Variants in UNC13C observed in about 807,000 individuals in gnomAD.
UNC13C encodes unc-13 homolog C, also known as protein unc-13 homolog C.
A neutral mutation model predicts 245.4 loss-of-function variants in UNC13C; 174 were observed. The ratio of observed to expected loss-of-function variants is 0.71; its 90% CI spans 0.63 to 0.80. UNC13C has a LOEUF of 0.80. Ranked by LOEUF, UNC13C falls within the 30% of genes least tolerant of loss-of-function variation. The pLI, the probability that UNC13C is intolerant of heterozygous loss-of-function variation, is 0.00. For synonymous variants in UNC13C, 992 were observed against 895.1 expected, an observed-to-expected ratio of 1.11 and a Z score of -1.93; for missense variants, 2,829 against 2,602.9, an observed-to-expected ratio of 1.09 and a Z score of -1.89.
At chr15:54,468,223 A>G (rs1333007546) in intron 19 of UNC13C, among the ~76,000 whole-genome samples, 4 of 151,666 alleles carry the variant, frequency 2.6e-5, no homozygotes, top group South Asian at 4.1e-4. Flanking sequence ...AGCATTTTTC[A>G]TGTATCTGTT....
At chr15:53,963,329 G>A in the UNC13C span, among the ~76,000 whole-genome samples, 8 of 152,124 alleles carry the variant, frequency 5.3e-5, no homozygotes. Context: ...ACATTTTCAG[G>A]TTTAGGGAAG....
intron 4 of UNC13C, among the ~76,000 whole-genome samples, chr15:54,223,819 A>G (rs114654529): frequency 0.046 from 7,029 of 151,802 alleles, 311 homozygotes; most frequent in East Asian, 0.23. Context: ...TCTTGCATCA[A>G]TGTTTTGTAG....
At chr15:53,916,864 A>G in the UNC13C span, among the ~76,000 whole-genome samples, 126 of 152,314 alleles carry the variant, frequency 8.3e-4, 1 homozygote, top group East Asian at 0.021. Flanking sequence ...GATGCACTGA[A>G]GCTGGGATGC....
intron 2 of UNC13C, among the ~76,000 whole-genome samples, chr15:54,133,600 T>C (rs9302173): frequency 0.024 from 3,715 of 152,244 alleles, 155 homozygotes; most frequent in African/African-American, 0.08. Flanking sequence ...TGTTGTGAGA[T>C]GATATGTGCC....
At chr15:53,983,194 T>G (rs1248501226) in intron 1 of UNC13C, among the ~76,000 whole-genome samples, 1 of 152,166 alleles carries the variant, frequency 6.6e-6, no homozygotes, top group African/African-American at 2.4e-5. Flanking sequence ...GATACTTAGC[T>G]GCTAACTTTT....
At chr15:54,149,274 T>C (rs1324373773) in intron 4 of UNC13C, among the ~76,000 whole-genome samples, 1 of 152,224 alleles carries the variant, frequency 6.6e-6, no homozygotes, top group Non-Finnish European at 1.5e-5. Flanking sequence ...TATAGCAGTG[T>C]GAAAATGGAC....
chr15:54,130,448 A>C (rs1470439043), intron 2 of UNC13C, among the ~76,000 whole-genome samples: 1 of 151,468 alleles, frequency 6.6e-6, no homozygotes, highest in Non-Finnish European at 1.5e-5. Flanking sequence ...GCCTGCCAAC[A>C]CGCCTGGCTA....
intron 4 of UNC13C, among the ~76,000 whole-genome samples, chr15:54,218,462 C>T (rs1020027242): frequency 1.3e-5 from 2 of 151,766 alleles, no homozygotes; most frequent in African/African-American, 2.4e-5. Context: ...GAGGCCAGTA[C>T]CAGTAGAGGG....
intron 2 of UNC13C, among the ~76,000 whole-genome samples, chr15:54,023,326 T>C (rs1368230487): frequency 6.6e-6 from 1 of 152,210 alleles, no homozygotes; most frequent in Non-Finnish European, 1.5e-5. Context: ...AGGCCAGTCT[T>C]GTCATGAAAG....
the UNC13C span, among the ~76,000 whole-genome samples, chr15:53,941,120 G>C: frequency 5.8e-4 from 89 of 152,148 alleles, no homozygotes; most frequent in African/African-American, 2.1e-3. Flanking sequence ...TAGACCAATG[G>C]GACTGAATGG....
Position 54,435,927 on chromosome 15 carries a change from A to G in UNC13C, c.4933+20860A>G, listed in dbSNP as rs1379951328. ...AAAAATCAAAAAGTGGGCAAACGAT[A>G]TGAACAGACACTTCTCAAAAAAAGA... On this transcript the variant is annotated intron_variant, in intron 19 of 32. Coordinates refer to ENST00000260323, the MANE Select transcript of UNC13C (RefSeq NM_001080534.3). Among the ~76,000 whole-genome samples the G allele has an allele frequency of 2.6e-5, 4 of 152,076 alleles. No homozygotes were observed. The East Asian group carries it at 7.8e-4, about 30-fold the overall frequency.
chr15:54,068,356 C>G (rs1195480844), intron 2 of UNC13C, among the ~76,000 whole-genome samples: 1 of 152,132 alleles, frequency 6.6e-6, no homozygotes, highest in Non-Finnish European at 1.5e-5. Context: ...CTAGAACTTC[C>G]TTCTCCTGAC....
intron 10 of UNC13C, among the ~76,000 whole-genome samples, chr15:54,273,074 G>A (rs1346413370): frequency 6.6e-6 from 1 of 152,106 alleles, no homozygotes; most frequent in Non-Finnish European, 1.5e-5. Flanking sequence ...CAATCTTTGT[G>A]GGTAAAAAGG....
intron 30 of UNC13C, among the ~76,000 whole-genome samples, chr15:54,568,823 T>C (rs191987263): frequency 2.4e-4 from 36 of 152,284 alleles, no homozygotes; most frequent in African/African-American, 8.2e-4. Flanking sequence ...TTGTTTCCTC[T>C]TGGATACATT....
intron 30 of UNC13C, among the ~76,000 whole-genome samples, chr15:54,586,313 C>G (rs1247657817): frequency 6.6e-6 from 1 of 152,136 alleles, no homozygotes; most frequent in Non-Finnish European, 1.5e-5. Context: ...GTAACTTAAA[C>G]AAGAGATATT....
chr15:54,426,167 T>A lies in UNC13C; in HGVS notation c.4933+11100T>A, dbSNP rs529179699. On this transcript the variant is annotated intron_variant, in intron 19 of 32. Transcript: ENST00000260323. ...ATTCCAGCTGAAGCCTTAATTCTTC[T>A]TTGTCATTTAACAGAACATATTCAT... 1.5e-4 allele frequency among the ~76,000 whole-genome samples: 23 copies of A among 151,696 alleles called. No individual in the cohort carries two copies. In the South Asian group the frequency reaches 4.6e-3, roughly 30 times the overall value.
chr15:54,449,973 G>A (rs1891077225), intron 19 of UNC13C, among the ~76,000 whole-genome samples: 1 of 152,176 alleles, frequency 6.6e-6, no homozygotes, highest in Non-Finnish European at 1.5e-5. Flanking sequence ...CTTTCTCTTT[G>A]TTAGTTTTCC....
chr15:54,549,805 G>GAC, intron 28 of UNC13C, 114 bp downstream of exon 28: 2 of 657,084 alleles, frequency 3.0e-6, no homozygotes, highest in Non-Finnish European at 5.1e-6. Context: ...GAAGATGTGT[G>GAC]TGTGATTTCA....
intron 19 of UNC13C, among the ~76,000 whole-genome samples, chr15:54,449,513 A>G (rs1477541674): frequency 1.3e-5 from 2 of 152,018 alleles, no homozygotes; most frequent in Admixed American, 1.3e-4. Context: ...TTCTCGCTTC[A>G]TTTAATTCAT....
Sources: allele counts gnomAD v4.1 joint callset (sites outside exome capture counted in the v4.1 genomes callset), GRCh38; gene constraint gnomAD v4.1.1; transcripts MANE v1.5; gene names NCBI Gene and HGNC (gene_info 2026-07-23, HGNC 2026-07-21).